The following LRP1B variants were observed in gnomAD, a reference collection of about 807,000 sequenced individuals.
LRP1B encodes low-density lipoprotein receptor-related protein 1B.
LRP1B carries 217 observed loss-of-function variants against 556.6 expected under a neutral mutation model. The ratio of observed to expected loss-of-function variants is 0.39; its 90% CI spans 0.35 to 0.44. LRP1B has a LOEUF of 0.44. Ranked by LOEUF, LRP1B falls within the 20% of genes least tolerant of loss-of-function variation. The pLI is 1.00. For missense variants in LRP1B, 5,053 were observed against 5,620.8 expected (o/e 0.90, Z 3.23); for synonymous variants, 2,047 against 1,865.8 (o/e 1.10, Z -2.50).
chr2:141,403,000 A>C (rs767179681), intron 3 of LRP1B, among the ~76,000 whole-genome samples: 2 of 152,070 alleles, frequency 1.3e-5, no homozygotes, highest in Non-Finnish European at 2.9e-5. Flanking sequence ...CAAAATATCA[A>C]CTTTTTCTTG....
chr2:141,511,155 T>A (rs138020949), intron 2 of LRP1B, among the ~76,000 whole-genome samples: 13 of 152,254 alleles, frequency 8.5e-5, no homozygotes, highest in African/African-American at 1.9e-4. Flanking sequence ...GGCAAGAGTA[T>A]GAAAATATGT....
At chr2:140,734,886 A>C (rs1375167084) in intron 35 of LRP1B, among the ~76,000 whole-genome samples, 2 of 152,098 alleles carry the variant, frequency 1.3e-5, no homozygotes, top group Non-Finnish European at 2.9e-5. Context: ...GACTTTTCCT[A>C]TCTGACCTAA....
chr2:140,435,190 A>T (rs1389637426), intron 66 of LRP1B, among the ~76,000 whole-genome samples: 1 of 152,206 alleles, frequency 6.6e-6, no homozygotes, highest in Non-Finnish European at 1.5e-5. Context: ...TTTTTGTTCC[A>T]AAGGTAGGCC....
chr2:140,418,014 A>G (rs1159436385), intron 66 of LRP1B, among the ~76,000 whole-genome samples: 1 of 152,184 alleles, frequency 6.6e-6, no homozygotes, highest in Non-Finnish European at 1.5e-5. Context: ...GATTTCTTTT[A>G]GAAAACCACT....
rs140285342 is a variant in LRP1B at position 140,444,334 on chromosome 2, G to A, written c.10290C>T (p.Asp3430=). The change falls in exon 65 of 91, where the codon GAC becomes GAT. Residue 3430 remains aspartate, a synonymous_variant. Coordinates refer to ENST00000389484, the MANE Select transcript of LRP1B (RefSeq NM_018557.3). ...GAGTATTTTGAGGTGACTTACGACA[G>A]TCTCTTTCATCTTCCTCATCACCAC... is the stretch of plus-strand genomic sequence containing the variant. The part of the protein sequence containing the change: ...DDCGDEEDER[D]CPENSCSPDY... 1.7e-5 allele frequency: 27 copies of A among 1,613,856 alleles called. No individual in the cohort carries two copies. In the African/African-American group the frequency reaches 3.6e-4, roughly 22 times the overall value.
chr2:141,826,354 G>GTTTTTTTTTTTTTTT (rs70994454), intron 1 of LRP1B, among the ~76,000 whole-genome samples: 2 of 97,074 alleles, frequency 2.1e-5, no homozygotes, highest in Non-Finnish European at 1.9e-5. Context: ...CTTTTCAGAA[G>GTTTTTTTTTTTTTTT]TTTTTTTTTT....
At chr2:142,074,030 G>A (rs1326427902) in intron 1 of LRP1B, among the ~76,000 whole-genome samples, 3 of 151,942 alleles carry the variant, frequency 2.0e-5, no homozygotes, top group East Asian at 1.9e-4. Flanking sequence ...ACAGCAGTGC[G>A]AGAATGGACT....
intron 7 of LRP1B, among the ~76,000 whole-genome samples, chr2:141,148,067 A>G (rs967928977): frequency 6.6e-6 from 1 of 152,216 alleles, no homozygotes; most frequent in East Asian, 1.9e-4. Flanking sequence ...TCATCTAACA[A>G]TGAGTTTCTT....
intron 21 of LRP1B, among the ~76,000 whole-genome samples, chr2:140,913,634 T>C (rs1303030043): frequency 6.6e-6 from 1 of 152,004 alleles, no homozygotes; most frequent in East Asian, 1.9e-4. Flanking sequence ...TGCTACTCAA[T>C]AGGAATGTGT....
chr2:141,844,410 T>G (rs1304514618), intron 1 of LRP1B, among the ~76,000 whole-genome samples: 3 of 152,146 alleles, frequency 2.0e-5, no homozygotes, highest in Admixed American at 2.0e-4. Flanking sequence ...CTTTGTTACA[T>G]AACTATGTTA....
intron 1 of LRP1B, among the ~76,000 whole-genome samples, chr2:142,024,903 C>T (rs1325761228): frequency 1.3e-5 from 2 of 151,968 alleles, no homozygotes; most frequent in Non-Finnish European, 2.9e-5. Flanking sequence ...AGCACCTACC[C>T]AATGGAGATA....
At chr2:141,808,944 A>G (rs1283426967) in intron 2 of LRP1B, among the ~76,000 whole-genome samples, 1 of 152,104 alleles carries the variant, frequency 6.6e-6, no homozygotes, top group Non-Finnish European at 1.5e-5. Context: ...TTTCATTACC[A>G]AATAATATTC....
At position 140,516,943 on chromosome 2, in the gene LRP1B, A is replaced by C. The variant is rs1406060253; in HGVS notation, c.8095T>G (p.Trp2699Gly). 1 of 1,611,748 alleles carries C rather than the reference A, an allele frequency of 6.2e-7. No individual in the cohort carries two copies. The highest frequency in any genetic ancestry group is 8.5e-7 in the Non-Finnish European group (1 of 1,178,056). ...CPSGRCILNT[W>G]ICDGQKDCED... ...CAATCTTTCTGACCATCGCATATCC[A>C]GGTATTCAAAATGCATCTTCCACTA... Residue 2699 changes from tryptophan to glycine, a missense_variant, in exon 50 of 91, where the codon TGG becomes GGG. Trp to Gly is a radical substitution (Grantham distance 184). This residue lies in a region of LRP1B where 3,619 missense variants were observed against 3,931.9 expected (regional missense o/e 0.92). Coordinates refer to ENST00000389484, the MANE Select transcript of LRP1B (RefSeq NM_018557.3).
chr2:140,964,414 C>A (rs13008288), intron 18 of LRP1B, among the ~76,000 whole-genome samples: 56,391 of 151,752 alleles, frequency 0.37, 10,787 homozygotes, highest in East Asian at 0.52. Flanking sequence ...GAAAGGGAGA[C>A]CTCCCCTTTC....
At position 141,610,319 on chromosome 2, in the gene LRP1B, G is replaced by C. The variant is rs955231643; in HGVS notation, c.206-129786C>G. Among the ~76,000 whole-genome samples, 280 of 26,594 alleles carry C rather than the reference G, an allele frequency of 0.011. 7 individuals carry two copies. The East Asian group carries it at 0.4, about 38-fold the overall frequency. The allele number at this position is 26,594 out of a possible 152,430, so 17.4% of individuals were successfully genotyped here. On this transcript the variant is annotated intron_variant, in intron 2 of 90. Coordinates refer to ENST00000389484, the MANE Select transcript of LRP1B (RefSeq NM_018557.3). ...GTATTATTATACTTTAAAACTTAAAGTATAATAATAATAATAATAATAATA... is the reference window on the plus strand; with the variant it reads ...GTATTATTATACTTTAAAACTTAAACTATAATAATAATAATAATAATAATA...
chr2:141,994,330 T>C (rs1442949258), intron 1 of LRP1B, among the ~76,000 whole-genome samples: 2 of 152,180 alleles, frequency 1.3e-5, no homozygotes, highest in Non-Finnish European at 2.9e-5. Flanking sequence ...AAAAATTATT[T>C]CATAATAGAG....
chr2:140,247,414 T>C (rs1248046989), intron 86 of LRP1B, among the ~76,000 whole-genome samples: 21 of 151,636 alleles, frequency 1.4e-4, no homozygotes, highest in Non-Finnish European at 2.8e-4. Flanking sequence ...TGTGTTAAAA[T>C]TGGCACATTT....
intron 23 of LRP1B, among the ~76,000 whole-genome samples, chr2:140,900,343 A>G (rs1694069992): frequency 6.6e-6 from 1 of 152,234 alleles, no homozygotes; most frequent in Non-Finnish European, 1.5e-5. Context: ...TCTGAGGTCA[A>G]TATTTGATCT....
intron 11 of LRP1B, among the ~76,000 whole-genome samples, chr2:141,022,173 T>C (rs900979363): frequency 6.6e-6 from 1 of 151,678 alleles, no homozygotes; most frequent in Non-Finnish European, 1.5e-5. Context: ...ATTCCTGTAA[T>C]AATATCATTT....
Sources: gnomAD v4.1 joint callset for allele counts (sites outside exome capture counted in the v4.1 genomes callset) on GRCh38, gnomAD v4.1.1 for gene constraint, gnomAD v4.1.1 regional missense constraint, MANE v1.5 for transcripts, NCBI Gene and HGNC (gene_info 2026-07-23, HGNC 2026-07-21) for gene names.